The following SDR42E2 variants were observed in gnomAD, a reference collection of about 807,000 sequenced individuals.
SDR42E2 encodes putative short-chain dehydrogenase/reductase family 42E member 2.
Under a neutral mutation model 10.5 loss-of-function variants are expected in SDR42E2, and 20 were observed. That is an observed-to-expected ratio of 1.90 (90% CI 1.34 to 2.77). The LOEUF is 2.77. SDR42E2 is among the 30% of genes most tolerant of loss of function. SDR42E2 has a pLI of 0.00. For synonymous variants in SDR42E2, 72 were observed against 39.2 expected, an observed-to-expected ratio of 1.84 and a Z score of -3.12; for missense variants, 162 against 104.2, an observed-to-expected ratio of 1.55 and a Z score of -2.42.
At chr16:22,167,170 T>TGTGTG (rs1184619247) in intron 4 of SDR42E2, among the ~76,000 whole-genome samples, 171 bp downstream of exon 4, 1 of 85,000 alleles carries the variant, frequency 1.2e-5, no homozygotes, top group Non-Finnish European at 2.4e-5. Flanking sequence ...CTGCCATTTT[T>TGTGTG]TTTTTTTTTT....
intron 11 of SDR42E2, among the ~76,000 whole-genome samples, chr16:22,184,696 C>A (rs766477601): frequency 6.6e-6 from 1 of 152,168 alleles, no homozygotes; most frequent in Non-Finnish European, 1.5e-5. Flanking sequence ...AAGGAGGCCA[C>A]GCAGCAGCTC....
intron 1 of SDR42E2, among the ~76,000 whole-genome samples, chr16:22,163,028 G>C (rs1009295691): frequency 6.6e-6 from 1 of 152,238 alleles, no homozygotes; most frequent in Admixed American, 6.5e-5. Context: ...GACACTCCAG[G>C]GAATGAAATC....
intron 7 of SDR42E2, among the ~76,000 whole-genome samples, chr16:22,174,830 G>A (rs747404088): frequency 6.6e-6 from 1 of 151,986 alleles, no homozygotes; most frequent in African/African-American, 2.4e-5. Context: ...GCCTGCCAAC[G>A]TCAGCTGCAA....
At chr16:22,165,502 T>G (rs1485589599) in intron 1 of SDR42E2, 45 bp from the exon 2 acceptor site, 8 of 400,482 alleles carry the variant, frequency 2.0e-5, no homozygotes, top group Admixed American at 4.4e-5. Flanking sequence ...TTATGTGACT[T>G]GAAACGATTC....
chr16:22,169,737 G>A (rs1004654416), intron 5 of SDR42E2, among the ~76,000 whole-genome samples: 11 of 152,152 alleles, frequency 7.2e-5, no homozygotes, highest in African/African-American at 2.2e-4. Context: ...AAAAAGAAAA[G>A]TTGCCGAAGC....
intron 4 of SDR42E2, among the ~76,000 whole-genome samples, 167 bp downstream of exon 4, chr16:22,167,166 T>TTTTTG (rs1491280109): frequency 3.6e-4 from 6 of 16,574 alleles, no homozygotes; most frequent in South Asian, 2.5e-3. Flanking sequence ...AGTTCTGCCA[T>TTTTTG]TTTTTTTTTT....
chr16:22,187,590 G>C lies in SDR42E2; in HGVS notation c.1014+796G>C, dbSNP rs894031007. 7.0e-5 allele frequency among the ~76,000 whole-genome samples: 10 copies of C among 143,828 alleles called. No homozygotes were observed. In the South Asian group the frequency reaches 2.0e-3, roughly 29 times the overall value. 94.4% of individuals were successfully genotyped at this position (143,828 alleles called of 152,430 possible). Reference sequence around the variant, plus strand: ...AGCCTAGGCAACAGATGGAGATCCTGCCCCTAAAAACCAAAAAAAAAAAAA... The same window carrying C: ...AGCCTAGGCAACAGATGGAGATCCTCCCCCTAAAAACCAAAAAAAAAAAAA... On this transcript the variant is annotated intron_variant, in intron 12 of 12. Transcript: ENST00000602312.
chr16:22,177,850 G>C (rs915364625), intron 7 of SDR42E2, among the ~76,000 whole-genome samples: 3 of 147,236 alleles, frequency 2.0e-5, no homozygotes, highest in African/African-American at 7.5e-5. Context: ...ACTGCACTGT[G>C]AGCAATGGGA....
At chr16:22,180,453 C>G (rs933315022) in intron 8 of SDR42E2, among the ~76,000 whole-genome samples, 1 of 152,090 alleles carries the variant, frequency 6.6e-6, no homozygotes, top group Non-Finnish European at 1.5e-5. Context: ...GTAATCCCAG[C>G]ACTTTGGGAA....
intron 10 of SDR42E2, among the ~76,000 whole-genome samples, chr16:22,183,121 GTTTGT>G (rs2046709298): frequency 6.6e-6 from 1 of 151,862 alleles, no homozygotes; most frequent in South Asian, 2.1e-4. Flanking sequence ...GCTTCCAGGC[GTTTGT>G]TTTGTTTCAT....
At chr16:22,172,111 G>C (rs946762557) in intron 6 of SDR42E2, 145 bp from the exon 7 acceptor site, 11 of 634,088 alleles carry the variant, frequency 1.7e-5, no homozygotes, top group Middle Eastern at 2.7e-4. Flanking sequence ...TCCCACCCAG[G>C]GGGAGAGGAA....
chr16:22,178,305 C>T, intron 8 of SDR42E2, 93 bp downstream of exon 8: 1 of 644,146 alleles, frequency 1.6e-6, no homozygotes, highest in South Asian at 1.7e-5. Flanking sequence ...GTCGCTGCAT[C>T]AGTCTCGAGG....
chr16:22,175,687 T>C lies in SDR42E2; in HGVS notation c.590-2443T>C, dbSNP rs2046639228. Reference sequence around the variant, plus strand: ...CAGAGTGAGACCCTGTCTCTAAAAATAATTAATTAAATAAGTCATTTTAGG... The same window carrying C: ...CAGAGTGAGACCCTGTCTCTAAAAACAATTAATTAAATAAGTCATTTTAGG... On this transcript the variant is annotated intron_variant, in intron 7 of 12. Transcript: ENST00000602312. 2.0e-5 allele frequency among the ~76,000 whole-genome samples: 3 copies of C among 151,648 alleles called. No individual in the cohort carries two copies. In the South Asian group the frequency reaches 6.3e-4, roughly 32 times the overall value.
At chr16:22,168,192 C>T (rs1025777018) in intron 4 of SDR42E2, among the ~76,000 whole-genome samples, 9 of 151,812 alleles carry the variant, frequency 5.9e-5, no homozygotes, top group Non-Finnish European at 8.8e-5. Flanking sequence ...CCCAGGAGTT[C>T]GAGACCAGCC....
intron 7 of SDR42E2, among the ~76,000 whole-genome samples, chr16:22,175,917 T>C (rs62047204): frequency 0.42 from 64,044 of 151,464 alleles, 15,615 homozygotes; most frequent in East Asian, 0.88. Context: ...CACTTGAACC[T>C]GACAGGTAGA....
intron 7 of SDR42E2, 52 bp downstream of exon 7, chr16:22,172,383 T>G (rs1466119318): frequency 4.3e-6 from 3 of 703,248 alleles, no homozygotes; most frequent in Non-Finnish European, 7.8e-6. Flanking sequence ...CACTGCTGCC[T>G]CCTCCAAAAT....
chr16:22,183,956 TAAC>T (rs2142079656), intron 10 of SDR42E2, among the ~76,000 whole-genome samples: 1 of 144,740 alleles, frequency 6.9e-6, no homozygotes, highest in African/African-American at 2.6e-5. Flanking sequence ...AAAAAAATTT[TAAC>T]TAACCCATGC....
In SDR42E2 at chr16:22,170,949, G is replaced by T. The variant is rs760486668; in HGVS notation, c.511G>T (p.Glu171Ter). Residue 171 changes from glutamate to a stop codon, truncating the protein, a stop_gained and splice_region_variant, in exon 6 of 13, where the codon GAG becomes TAG. Coordinates refer to ENST00000602312, the MANE Select transcript of SDR42E2 (RefSeq NM_001394319.2). LOFTEE classifies it high-confidence loss of function. Reference sequence around the variant, plus strand: ...CTCTGTGCCATATTTCCCATTGGACGAGGTACCTGTCTTCCGGGAGAGGTG... The same window carrying T: ...CTCTGTGCCATATTTCCCATTGGACTAGGTACCTGTCTTCCGGGAGAGGTG... ...EDSVPYFPLD[E>*]HVDHYSRTKA... is the part of the protein sequence containing the mutation. The T allele has an allele frequency of 1.4e-6, 1 of 702,992 alleles. No homozygotes were observed. The highest frequency in any genetic ancestry group is 2.6e-6 in the Non-Finnish European group (1 of 384,996). The allele number at this position is 702,992 out of a possible 1,614,324, so 43.5% of individuals were successfully genotyped here. A position where few individuals can be genotyped will look rare whatever the true frequency, so the allele number is the denominator to read the frequency against.
chr16:22,181,423 G>A lies in SDR42E2; in HGVS notation c.673-96G>A. The A allele has an allele frequency of 4.4e-6, 3 of 688,482 alleles. No individual in the cohort carries two copies. In the South Asian group the frequency reaches 4.7e-5, roughly 11 times the overall value. The allele number at this position is 688,482 out of a possible 1,614,324, so 42.6% of individuals were successfully genotyped here. ...ACATGAGCCTGGAGCAGAGGGGCCT[G>A]ACCTGGAGCTAGAACCTGGGGAGTC... On this transcript the variant is annotated intron_variant, in intron 8 of 12. Transcript: ENST00000602312.
Sources: gnomAD v4.1 joint callset for allele counts (sites outside exome capture counted in the v4.1 genomes callset) on GRCh38, gnomAD v4.1.1 for gene constraint, MANE v1.5 for transcripts, NCBI Gene and HGNC (gene_info 2026-07-23, HGNC 2026-07-21) for gene names.